Variants in GPR149 observed in about 807,000 individuals in gnomAD.
GPR149 encodes the protein probable G protein-coupled receptor 149.
Under a neutral mutation model 50.2 loss-of-function variants are expected in GPR149, and 50 were observed. That is an observed-to-expected ratio of 1.00 (90% confidence interval 0.79 to 1.26). The LOEUF is 1.26. GPR149 is among the 50% of genes most tolerant of loss of function. GPR149 has a pLI of 0.00. For missense variants in GPR149, 983 were observed against 895.4 expected, an observed-to-expected ratio of 1.10 and a Z score of -1.25; for synonymous variants, 405 against 358.2, an observed-to-expected ratio of 1.13 and a Z score of -1.48.
In GPR149 at chr3:154,429,744, C is replaced by G; in HGVS notation, c.-129G>C. 1 of 779,454 alleles carries G rather than the reference C, an allele frequency of 1.3e-6. No homozygotes were observed. 48.3% of individuals were successfully genotyped at this position (779,454 alleles called of 1,614,324 possible). On this transcript the variant is annotated 5_prime_UTR_variant, in exon 1 of 4. Transcript: ENST00000389740. ...CCCTCTAGATGTTCTCCTTGTCAGT[C>G]CTGCAGAAAATGGTCAGCCATGTCT...
intron 3 of GPR149, among the ~76,000 whole-genome samples, chr3:154,339,207 T>C (rs781458343): frequency 1.1e-4 from 16 of 152,064 alleles, no homozygotes; most frequent in Non-Finnish European, 2.2e-4. Context: ...GAAATACAGG[T>C]TTTTAGCATT....
chr3:154,349,785 A>T (rs1020306069), intron 3 of GPR149, among the ~76,000 whole-genome samples: 1 of 152,228 alleles, frequency 6.6e-6, no homozygotes, highest in Non-Finnish European at 1.5e-5. Context: ...ACACTACAAA[A>T]AAATAAAACT....
At chr3:154,338,469 T>C (rs184855900) in intron 3 of GPR149, among the ~76,000 whole-genome samples, 198 bp from the exon 4 acceptor site, 1 of 152,278 alleles carries the variant, frequency 6.6e-6, no homozygotes, top group East Asian at 1.9e-4. Context: ...ATCAGACATT[T>C]AATGAGGGTA....
At chr3:154,339,577 C>T (rs1286632172) in intron 3 of GPR149, among the ~76,000 whole-genome samples, 3 of 152,076 alleles carry the variant, frequency 2.0e-5, no homozygotes, top group African/African-American at 7.2e-5. Flanking sequence ...CAGGAAATCC[C>T]TCAGTCTTAG....
chr3:154,388,739 G>C (rs991150472), intron 3 of GPR149, among the ~76,000 whole-genome samples: 1 of 152,054 alleles, frequency 6.6e-6, no homozygotes, highest in Non-Finnish European at 1.5e-5. Context: ...CTATCTGTAT[G>C]TGCTGGAGGT....
At chr3:154,410,112 T>C (rs1711794011) in intron 3 of GPR149, among the ~76,000 whole-genome samples, 1 of 152,098 alleles carries the variant, frequency 6.6e-6, no homozygotes, top group Non-Finnish European at 1.5e-5. Context: ...CATCCAATAA[T>C]TTTGTATCCA....
At chr3:154,374,426 G>A (rs1435783605) in intron 3 of GPR149, among the ~76,000 whole-genome samples, 2 of 151,856 alleles carry the variant, frequency 1.3e-5, no homozygotes, top group African/African-American at 4.8e-5. Context: ...GCCCACCTTG[G>A]CCTCCTAAAG....
At chr3:154,405,882 T>TA (rs1711672493) in intron 3 of GPR149, among the ~76,000 whole-genome samples, 1 of 151,762 alleles carries the variant, frequency 6.6e-6, no homozygotes. Context: ...TAACTATTAT[T>TA]AAAAAAATTC....
intron 2 of GPR149, among the ~76,000 whole-genome samples, chr3:154,426,653 C>T (rs1712310664): frequency 1.3e-5 from 2 of 152,072 alleles, no homozygotes; most frequent in Non-Finnish European, 2.9e-5. Context: ...TTCCTCAACA[C>T]TTTTCTTGTC....
At chr3:154,365,450 G>A (rs1230323527) in intron 3 of GPR149, among the ~76,000 whole-genome samples, 1 of 152,126 alleles carries the variant, frequency 6.6e-6, no homozygotes, top group Non-Finnish European at 1.5e-5. Flanking sequence ...TTATCAATGA[G>A]TAGCTTGGCC....
chr3:154,411,576 T>G (rs1373793859), intron 3 of GPR149, among the ~76,000 whole-genome samples: 2 of 152,072 alleles, frequency 1.3e-5, no homozygotes, highest in African/African-American at 4.8e-5. Context: ...AATGCCTTTA[T>G]GCACATAAAC....
intron 3 of GPR149, chr3:154,352,001 T>A (rs565184738): frequency 3.1e-5 from 9 of 291,086 alleles, no homozygotes; most frequent in African/African-American, 1.5e-4. Flanking sequence ...GAAACACTTT[T>A]TAAAAAAAAT....
intron 3 of GPR149, among the ~76,000 whole-genome samples, chr3:154,349,680 A>G (rs1186100656): frequency 6.6e-6 from 1 of 152,224 alleles, no homozygotes; most frequent in East Asian, 1.9e-4. Flanking sequence ...ATTAATATAA[A>G]TTCTGCACAA....
In GPR149 at chr3:154,430,139, C is replaced by CAGAG. The variant is rs10593410; in HGVS notation, c.-528_-525dup. 6.8e-6 allele frequency among the ~76,000 whole-genome samples: 1 copy of CAGAG among 147,424 alleles called. No homozygotes were observed. Among genetic ancestry groups the CAGAG allele is most frequent in the Non-Finnish European group, 1.5e-5 (1 of 66,678 alleles). Reference sequence around the variant, plus strand: ...TTGAAGGTGGAGAGAGAGAGAGAGACAGAGAGAGAGAGAGAGAGGGCGAGC... The same window carrying CAGAG: ...TTGAAGGTGGAGAGAGAGAGAGAGACAGAGAGAGAGAGAGAGAGAGAGGGCGAGC... On this transcript the variant is annotated 5_prime_UTR_variant, in exon 1 of 4. Transcript: ENST00000389740.
chr3:154,415,709 G>T (rs1711966618), intron 3 of GPR149, among the ~76,000 whole-genome samples: 1 of 151,770 alleles, frequency 6.6e-6, no homozygotes, highest in Admixed American at 6.6e-5. Flanking sequence ...GTTAACTCTG[G>T]GTAGGTGGAA....
At chr3:154,361,391 A>G (rs1057426914) in intron 3 of GPR149, among the ~76,000 whole-genome samples, 2 of 152,214 alleles carry the variant, frequency 1.3e-5, no homozygotes, top group African/African-American at 2.4e-5. Flanking sequence ...GGAATACATA[A>G]AAGTACGTGT....
intron 3 of GPR149, among the ~76,000 whole-genome samples, chr3:154,366,765 A>G (rs183536403): frequency 7.9e-5 from 12 of 152,298 alleles, no homozygotes; most frequent in African/African-American, 2.9e-4. Flanking sequence ...TATACCTTAC[A>G]TGTATTGATT....
intron 3 of GPR149, among the ~76,000 whole-genome samples, chr3:154,351,311 T>C: frequency 5.1e-5 from 1 of 19,710 alleles, no homozygotes; most frequent in South Asian, 2.8e-3. Context: ...GACATCCACA[T>C]ACAAAAAAAA....
intron 2 of GPR149, among the ~76,000 whole-genome samples, 161 bp from the exon 3 acceptor site, chr3:154,421,648 C>G: frequency 6.6e-6 from 1 of 151,630 alleles, no homozygotes; most frequent in East Asian, 1.9e-4. Context: ...GAAATTATGC[C>G]TCAGAAAATT....
Sources: gnomAD v4.1 joint callset for allele counts (sites outside exome capture counted in the v4.1 genomes callset) on GRCh38, gnomAD v4.1.1 for gene constraint, MANE v1.5 for transcripts, NCBI Gene and HGNC (gene_info 2026-07-23, HGNC 2026-07-21) for gene names.